SGCD: variants seen among roughly 807,000 people sequenced by gnomAD.
SGCD encodes delta-sarcoglycan.
A neutral mutation model predicts 36.6 loss-of-function variants in SGCD; 18 were observed. That is an observed-to-expected ratio of 0.49 (90% CI 0.34 to 0.73). The LOEUF is 0.73. Among genes scored for constraint, SGCD ranks in the 30% least tolerant of loss-of-function variants. The pLI is 0.01. For missense variants in SGCD, 387 were observed against 346.7 expected (o/e 1.12, Z -0.92); for synonymous variants, 133 against 130.6 (o/e 1.02, Z -0.12).
intron 1 of SGCD, among the ~76,000 whole-genome samples, chr5:155,947,292 CTT>C (rs1491488438): frequency 2.8e-5 from 3 of 105,400 alleles, no homozygotes; most frequent in Admixed American, 2.3e-4. Context: ...CATAAATACT[CTT>C]GTGTGTGTGT....
At chr5:156,104,178 G>A (rs1296710482) in intron 1 of SGCD, among the ~76,000 whole-genome samples, 1 of 152,024 alleles carries the variant, frequency 6.6e-6, no homozygotes, top group Non-Finnish European at 1.5e-5. Flanking sequence ...ACATATTAAA[G>A]AATTTGTAAG....
At chr5:156,137,467 C>T (rs142673493) in intron 3 of SGCD, among the ~76,000 whole-genome samples, 1 of 152,252 alleles carries the variant, frequency 6.6e-6, no homozygotes, top group African/African-American at 2.4e-5. Context: ...TCCAGATGGT[C>T]AGTCAAATGG....
At chr5:156,239,515 A>G (rs1455214062) in intron 3 of SGCD, among the ~76,000 whole-genome samples, 1 of 152,210 alleles carries the variant, frequency 6.6e-6, no homozygotes, top group East Asian at 1.9e-4. Context: ...ATGAAACCAA[A>G]TAATCTGTCT....
At chr5:156,722,847 G>GATA (rs1561876677) in intron 7 of SGCD, among the ~76,000 whole-genome samples, 2 of 151,980 alleles carry the variant, frequency 1.3e-5, no homozygotes, top group Non-Finnish European at 2.9e-5. Flanking sequence ...CTACTCTCTG[G>GATA]GGCCACACAA....
Position 156,563,870 on chromosome 5 carries a change from G to C in SGCD, c.295-25361G>C, listed in dbSNP as rs561011422. Among the ~76,000 whole-genome samples, 7 of 152,110 alleles carry C rather than the reference G, an allele frequency of 4.6e-5. 1 individual carries two copies. The South Asian group carries it at 6.2e-4, about 14-fold the overall frequency. ...CTAATGAAAGCTGTTTCCCCTTTTG[G>C]GGGGATCAGTTGGTCAGTTCTGATC... is the stretch of plus-strand genomic sequence containing the variant. On this transcript the variant is annotated intron_variant, in intron 4 of 8. Transcript: ENST00000337851.
At chr5:156,708,382 A>G (rs17053824) in intron 7 of SGCD, among the ~76,000 whole-genome samples, 6 of 152,118 alleles carry the variant, frequency 3.9e-5, no homozygotes, top group South Asian at 4.1e-4. Context: ...ATAGAGTTCA[A>G]TATCATTTTG....
intron 6 of SGCD, among the ~76,000 whole-genome samples, chr5:156,629,408 T>C (rs1157980503): frequency 1.3e-5 from 2 of 152,160 alleles, no homozygotes; most frequent in African/African-American, 2.4e-5. Context: ...TCTTGCCTCT[T>C]GTAGAGGGCA....
At chr5:155,911,327 A>G (rs555125417) in intron 1 of SGCD, among the ~76,000 whole-genome samples, 27 of 149,224 alleles carry the variant, frequency 1.8e-4, no homozygotes, top group African/African-American at 5.7e-4. Context: ...GTGTATATAT[A>G]TATATATATT....
rs549460856 is a variant in SGCD, at chr5:156,118,396, C to T, written c.-208+445C>T. Among the ~76,000 whole-genome samples, 9 of 152,208 alleles carry T rather than the reference C, an allele frequency of 5.9e-5. No homozygotes were observed. The South Asian group carries it at 1.7e-3, about 28-fold the overall frequency. Reference sequence around the variant, plus strand: ...GGTAACAAAGAGCAATTTCTTAAGGCAAAGGGGGGACCTGTATTTCTAGAC... The same window carrying T: ...GGTAACAAAGAGCAATTTCTTAAGGTAAAGGGGGGACCTGTATTTCTAGAC... On this transcript the variant is annotated intron_variant, in intron 2 of 9. Transcript: ENST00000517913.
intron 3 of SGCD, among the ~76,000 whole-genome samples, chr5:156,249,371 T>A (rs1765519106): frequency 6.6e-6 from 1 of 152,132 alleles, no homozygotes; most frequent in African/African-American, 2.4e-5. Context: ...GAGAAAAAAG[T>A]CAAGTAAGTT....
At chr5:156,128,517 T>G (rs2127605232) in intron 3 of SGCD, among the ~76,000 whole-genome samples, 1 of 152,274 alleles carries the variant, frequency 6.6e-6, no homozygotes, top group South Asian at 2.1e-4. Context: ...ATTCATAAAG[T>G]AGATGATATG....
At chr5:156,747,868 A>T (rs1327543174) in intron 7 of SGCD, among the ~76,000 whole-genome samples, 1 of 152,176 alleles carries the variant, frequency 6.6e-6, no homozygotes, top group Non-Finnish European at 1.5e-5. Flanking sequence ...CTGTCTTATA[A>T]CCTAGTCATT....
At chr5:155,751,628 A>G in the SGCD span, among the ~76,000 whole-genome samples, 1 of 151,578 alleles carries the variant, frequency 6.6e-6, no homozygotes, top group African/African-American at 2.4e-5. Context: ...GGTTCAAACA[A>G]TCCCTCCTAA....
At chr5:156,451,767 A>G in intron 3 of SGCD, among the ~76,000 whole-genome samples, 1 of 152,188 alleles carries the variant, frequency 6.6e-6, no homozygotes, top group Non-Finnish European at 1.5e-5. Flanking sequence ...GGTACAGGCA[A>G]TTACTTACAC....
chr5:155,788,998 G>C, the SGCD span, among the ~76,000 whole-genome samples: 1 of 152,130 alleles, frequency 6.6e-6, no homozygotes, highest in Non-Finnish European at 1.5e-5. Flanking sequence ...CAAGATCATA[G>C]ACTATAAAGG....
intron 1 of SGCD, among the ~76,000 whole-genome samples, chr5:155,872,435 G>A (rs756518192): frequency 2.2e-4 from 33 of 151,712 alleles, no homozygotes; most frequent in Non-Finnish European, 3.8e-4. Context: ...ATCGTGCCCC[G>A]ACATTAAATA....
intron 2 of SGCD, among the ~76,000 whole-genome samples, chr5:156,339,924 T>C (rs2127712595): frequency 6.6e-6 from 1 of 152,346 alleles, no homozygotes; most frequent in Admixed American, 6.5e-5. Context: ...TAGCCTTTAA[T>C]TGTCTCTTCA....
chr5:155,882,469 C>G (rs1363170351), intron 1 of SGCD, among the ~76,000 whole-genome samples: 1 of 152,160 alleles, frequency 6.6e-6, no homozygotes, highest in Non-Finnish European at 1.5e-5. Flanking sequence ...AATCACTATC[C>G]ATGGCAGCTA....
At chr5:156,052,111 A>C (rs1759933371) in intron 1 of SGCD, among the ~76,000 whole-genome samples, 1 of 146,422 alleles carries the variant, frequency 6.8e-6, no homozygotes, top group Non-Finnish European at 1.5e-5. Flanking sequence ...AGTTCCTGCT[A>C]GAGCACTTCC....
Sources: allele counts gnomAD v4.1 joint callset (sites outside exome capture counted in the v4.1 genomes callset), GRCh38; gene constraint gnomAD v4.1.1; transcripts MANE v1.5; gene names NCBI Gene and HGNC (gene_info 2026-07-23, HGNC 2026-07-21).